KLRG1: variants seen among roughly 807,000 people sequenced by gnomAD.
KLRG1 encodes the protein killer cell lectin-like receptor subfamily G member 1.
A neutral mutation model predicts 21.8 loss-of-function variants in KLRG1; 16 were observed. The ratio of observed to expected loss-of-function variants is 0.73; its 90% confidence interval spans 0.50 to 1.11. The LOEUF (loss-of-function observed/expected upper bound fraction) is 1.11, where lower values mean the gene tolerates loss of function less well. Ranked by LOEUF, KLRG1 falls within the 50% of genes most tolerant of loss-of-function variation. KLRG1 has a pLI of 0.00. For missense variants in KLRG1, 173 were observed against 218.3 expected, an observed-to-expected ratio of 0.79 and a Z score of 1.31; for synonymous variants, 69 against 75.9, an observed-to-expected ratio of 0.91 and a Z score of 0.47.
At chr12:9,017,104 A>G in the KLRG1 span, among the ~76,000 whole-genome samples, 1 of 151,782 alleles carries the variant, frequency 6.6e-6, no homozygotes, top group Non-Finnish European at 1.5e-5. Context: ...TCTCTACTAA[A>G]AATACAAAAA....
chr12:9,214,909 A>AT, the KLRG1 span, among the ~76,000 whole-genome samples: 13 of 151,896 alleles, frequency 8.6e-5, no homozygotes, highest in African/African-American at 3.1e-4. Context: ...CTTAAAAAAA[A>AT]ATTTTTAAGT....
chr12:9,049,903 T>C, the KLRG1 span, among the ~76,000 whole-genome samples: 1 of 152,234 alleles, frequency 6.6e-6, no homozygotes, highest in Non-Finnish European at 1.5e-5. Context: ...TGTATCAGTA[T>C]ATGTCTTTCA....
At chr12:9,026,736 C>T in the KLRG1 span, among the ~76,000 whole-genome samples, 1 of 151,844 alleles carries the variant, frequency 6.6e-6, no homozygotes, top group Non-Finnish European at 1.5e-5. Context: ...GAGGCACATG[C>T]CACCTGCTTA....
At chr12:9,090,959 C>CT in the KLRG1 span, among the ~76,000 whole-genome samples, 1 of 152,136 alleles carries the variant, frequency 6.6e-6, no homozygotes, top group Non-Finnish European at 1.5e-5. Flanking sequence ...AGAGTACTGA[C>CT]TTTTGTCACC....
chr12:9,204,104 C>T, the KLRG1 span, among the ~76,000 whole-genome samples: 4 of 152,168 alleles, frequency 2.6e-5, no homozygotes, highest in Non-Finnish European at 4.4e-5. Context: ...TGTCACAGAT[C>T]AGCACAAAAA....
the KLRG1 span, among the ~76,000 whole-genome samples, chr12:9,020,048 CAT>C: frequency 0.011 from 1,516 of 135,678 alleles, 25 homozygotes; most frequent in African/African-American, 0.039. Flanking sequence ...TCTTTGTATA[CAT>C]ATATATATAT....
the KLRG1 span, among the ~76,000 whole-genome samples, chr12:9,184,400 C>A: frequency 6.6e-6 from 1 of 152,210 alleles, no homozygotes; most frequent in African/African-American, 2.4e-5. Context: ...CCCACCAGTG[C>A]CCCACCCCCA....
chr12:9,122,820 TATTTA>T, the KLRG1 span, among the ~76,000 whole-genome samples: 3 of 152,158 alleles, frequency 2.0e-5, no homozygotes, highest in African/African-American at 4.8e-5. Flanking sequence ...GTACTCTCAT[TATTTA>T]ATTTAAAGTA....
chr12:9,106,573 T>C, the KLRG1 span: 3 of 1,588,000 alleles, frequency 1.9e-6, no homozygotes, highest in East Asian at 2.3e-5. Flanking sequence ...CCTTGGTTTT[T>C]ACTTGCTGAT....
chr12:9,189,270 A>G, the KLRG1 span, among the ~76,000 whole-genome samples: 3 of 152,248 alleles, frequency 2.0e-5, no homozygotes, highest in Admixed American at 2.0e-4. Context: ...TACAGTTACC[A>G]AAACAGCATA....
At chr12:9,058,266 G>T in the KLRG1 span, 1 of 152,054 alleles carries the variant, frequency 6.6e-6, no homozygotes, top group African/African-American at 2.4e-5. Context: ...ATCTCTCTAT[G>T]TATAATTTAT....
the KLRG1 span, among the ~76,000 whole-genome samples, chr12:9,185,825 T>TTTTC: frequency 1.1e-4 from 16 of 151,358 alleles, no homozygotes; most frequent in Non-Finnish European, 1.9e-4. Flanking sequence ...TTTTTTTTTT[T>TTTTC]CTTGACAGAG....
the KLRG1 span, among the ~76,000 whole-genome samples, chr12:9,164,657 A>G: frequency 1.9e-4 from 29 of 152,206 alleles, no homozygotes; most frequent in Non-Finnish European, 3.7e-4. Context: ...AACACTGGGA[A>G]TGGTAGATGA....
Position 9,009,973 on chromosome 12 carries a change from C to T in KLRG1, c.*436C>T. ...GTACTCCTCTGTACATTACTGATCC[C>T]TGATGGTATATTTCTATCCTAACAG... is the stretch of plus-strand genomic sequence containing the variant. On this transcript the variant is annotated 3_prime_UTR_variant, in exon 5 of 5. Transcript: ENST00000356986. 1 of 1,532,572 alleles carries T rather than the reference C, an allele frequency of 6.5e-7. No individual in the cohort carries two copies. Among genetic ancestry groups the T allele is most frequent in the South Asian group, 1.2e-5 (1 of 83,938 alleles). 94.9% of individuals were successfully genotyped at this position (1,532,572 alleles called of 1,614,324 possible).
At chr12:8,977,977 G>T (rs1946685483) in intron 1 of KLRG1, among the ~76,000 whole-genome samples, 1 of 152,156 alleles carries the variant, frequency 6.6e-6, no homozygotes, top group African/African-American at 2.4e-5. Context: ...TCCTGCCTCA[G>T]CCACCTGAGT....
chr12:9,022,882 G>T, the KLRG1 span, among the ~76,000 whole-genome samples: 1 of 152,212 alleles, frequency 6.6e-6, no homozygotes, highest in Non-Finnish European at 1.5e-5. Flanking sequence ...CTTCTGGACA[G>T]CTGAACAGGT....
chr12:8,956,929 CT>C, intron 1 of KLRG1, among the ~76,000 whole-genome samples: 1 of 152,276 alleles, frequency 6.6e-6, no homozygotes, highest in Middle Eastern at 3.4e-3. Context: ...CTGGCTTGCC[CT>C]TGGTGGGTGT....
At chr12:9,002,851 G>A (rs1184188019) in intron 3 of KLRG1, among the ~76,000 whole-genome samples, 3 of 151,706 alleles carry the variant, frequency 2.0e-5, no homozygotes, top group Non-Finnish European at 2.9e-5. Flanking sequence ...ACAGATGTGA[G>A]CCACTGCACC....
At position 8,992,270 on chromosome 12, in the gene KLRG1, T is replaced by C. The variant is rs769473315; in HGVS notation, c.147T>C (p.Val49=). 1.2e-6 allele frequency: 2 copies of C among 1,613,970 alleles called. No homozygotes were observed. Among genetic ancestry groups the C allele is most frequent in the South Asian group, 1.1e-5 (1 of 91,058 alleles). Reference sequence around the variant, plus strand: ...TAGCTTTGGGGCTTCTGACTGCAGTTCTTCTGAGTGTGCTGCTATACCAGT... The same window carrying C: ...TAGCTTTGGGGCTTCTGACTGCAGTCCTTCTGAGTGTGCTGCTATACCAGT... ...VAIALGLLTA[V]LLSVLLYQWI... Residue 49 remains valine, a synonymous_variant, in exon 2 of 5, where the codon GTT becomes GTC. Transcript: ENST00000356986.
Sources: gnomAD v4.1 joint callset for allele counts (sites outside exome capture counted in the v4.1 genomes callset) on GRCh38, gnomAD v4.1.1 for gene constraint, MANE v1.5 for transcripts, NCBI Gene and HGNC (gene_info 2026-07-23, HGNC 2026-07-21) for gene names.